The following SHOC1 variants were observed in gnomAD, a reference collection of about 807,000 sequenced individuals.
SHOC1 encodes protein shortage in chiasmata 1 ortholog.
SHOC1 carries 136 observed loss-of-function variants against 179.2 expected under a neutral mutation model. The observed-to-expected ratio is 0.76, with a 90% CI of 0.66 to 0.87. The LOEUF (loss-of-function observed/expected upper bound fraction) is 0.87, where lower values mean the gene tolerates loss of function less well. Among genes scored for constraint, SHOC1 ranks in the 40% least tolerant of loss-of-function variants. SHOC1 has a pLI of 0.00. For synonymous variants in SHOC1, 489 were observed against 586.6 expected (o/e 0.83, Z 2.41); for missense variants, 1,538 against 1,700.8 (o/e 0.90, Z 1.68).
intron 16 of SHOC1, 101 bp from the exon 17 acceptor site, chr9:111,714,724 T>C: frequency 9.8e-7 from 1 of 1,019,200 alleles, no homozygotes; most frequent in Non-Finnish European, 1.4e-6. Flanking sequence ...CAGAGACAGT[T>C]AAAATTTCCT....
chr9:111,747,250 T>C (rs1020982057), intron 9 of SHOC1, among the ~76,000 whole-genome samples: 2 of 152,114 alleles, frequency 1.3e-5, no homozygotes, highest in African/African-American at 4.8e-5. Context: ...AAGATCCAAT[T>C]ATAAATGTAA....
rs1462652959 is a variant in SHOC1 at position 111,703,841 on chromosome 9, T to G, written c.2967+40A>C. On this transcript the variant is annotated intron_variant, in intron 22 of 27. Coordinates refer to ENST00000682961, the MANE Select transcript of SHOC1 (RefSeq NM_001378211.1). ...ATAACAAATTACATAGCCATATATTTTAGTCTATTTTAGTTTATATATTTT... is the reference window on the plus strand; with the variant it reads ...ATAACAAATTACATAGCCATATATTGTAGTCTATTTTAGTTTATATATTTT... 4.3e-6 allele frequency: 4 copies of G among 928,530 alleles called. No homozygotes were observed. The African/African-American group carries it at 5.0e-5, about 12-fold the overall frequency. The allele number at this position is 928,530 out of a possible 1,614,324, so 57.5% of individuals were successfully genotyped here.
chr9:111,744,246 T>C (rs1407381229), intron 10 of SHOC1, among the ~76,000 whole-genome samples: 3 of 152,184 alleles, frequency 2.0e-5, no homozygotes, highest in Non-Finnish European at 4.4e-5. Flanking sequence ...ACAAAAACAG[T>C]ATATGTCCTG....
rs1833904595 is a variant in SHOC1 at position 111,738,482 on chromosome 9, T to A, written c.1215A>T (p.Thr405=). The A allele has an allele frequency of 6.3e-7, 1 of 1,598,720 alleles. No homozygotes were observed. The highest frequency in any genetic ancestry group is 1.4e-5 in the African/African-American group (1 of 73,760). The part of the protein sequence containing the change: ...IQEPHSQYSV[T]DLKKIFSVKE... ...TAACAGAAAATATCTTTTTCAAATC[T>A]GTAACTGAATATTGGCTGTGGGGCT... The change falls in exon 12 of 28, where the codon ACA becomes ACT. Residue 405 remains threonine, a synonymous_variant. Transcript: ENST00000682961.
Position 111,714,547 on chromosome 9 carries a change from C to T in SHOC1, c.2313G>A (p.Glu771=). 6.2e-7 allele frequency: 1 copy of T among 1,613,936 alleles called. No individual in the cohort carries two copies. Among genetic ancestry groups the T allele is most frequent in the Non-Finnish European group, 8.5e-7 (1 of 1,179,916 alleles). The part of the protein sequence containing the change: ...PYLGDIWRQL[E]IVQFIRGKKP... ...TTTTCCCCCTAATAAACTGTACAAT[C>T]TCCAGCTGTCTCCAAATGTCACCCA... Residue 771 remains glutamate (E), a synonymous_variant, in exon 17 of 28, where the codon GAG becomes GAA. Coordinates refer to ENST00000682961, the MANE Select transcript of SHOC1 (RefSeq NM_001378211.1).
At chr9:111,693,576 C>A (rs986662233) in intron 26 of SHOC1, among the ~76,000 whole-genome samples, 5 of 151,190 alleles carry the variant, frequency 3.3e-5, no homozygotes, top group African/African-American at 1.2e-4. Context: ...GCACTCCAGC[C>A]TGGAAAAATA....
At chr9:111,767,815 A>G (rs1312332938) in intron 5 of SHOC1, among the ~76,000 whole-genome samples, 1 of 152,150 alleles carries the variant, frequency 6.6e-6, no homozygotes, top group East Asian at 1.9e-4. Flanking sequence ...CTTTCAATCC[A>G]TGAGTATGAA....
Position 111,748,163 on chromosome 9 carries a change from T to A in SHOC1, c.899A>T (p.Asp300Val). The change falls in exon 9 of 28, where the codon GAT (aspartate) becomes GTT (valine). Residue 300 changes from aspartate to valine, a missense_variant. Transcript: ENST00000682961. ...AATCTCTGTGGAGCTGAATTTTATA[T>A]CCCCGATATCCTCAATTCCATGCTT... ...TNKHGIEDIGDIKFSSTEILT... is the reference protein window; with the variant it reads ...TNKHGIEDIGVIKFSSTEILT... The A allele has an allele frequency of 1.9e-6, 3 of 1,613,724 alleles. No homozygotes were observed. The highest frequency in any genetic ancestry group is 2.5e-6 in the Non-Finnish European group (3 of 1,179,766).
At chr9:111,778,148 C>T (rs1835899852) in intron 4 of SHOC1, among the ~76,000 whole-genome samples, 1 of 152,156 alleles carries the variant, frequency 6.6e-6, no homozygotes, top group Non-Finnish European at 1.5e-5. Context: ...CTCTCCTCAT[C>T]CACCTCCCTG....
At chr9:111,731,250 C>T (rs1322479393) in intron 12 of SHOC1, among the ~76,000 whole-genome samples, 1 of 152,114 alleles carries the variant, frequency 6.6e-6, no homozygotes, top group African/African-American at 2.4e-5. Context: ...TTTTAATTTC[C>T]TTCAGGAATT....
At chr9:111,699,814 T>C in intron 24 of SHOC1, 140 bp downstream of exon 24, 2 of 505,312 alleles carry the variant, frequency 4.0e-6, no homozygotes, top group Non-Finnish European at 7.0e-6. Context: ...TGTTTATTAA[T>C]TTGAAAACTA....
chr9:111,773,133 G>T (rs1400340361), intron 5 of SHOC1, among the ~76,000 whole-genome samples: 3 of 152,006 alleles, frequency 2.0e-5, no homozygotes, highest in African/African-American at 4.8e-5. Flanking sequence ...GTTGTTGCTA[G>T]TGAAAATTTT....
chr9:111,757,145 T>C (rs1210409336), intron 7 of SHOC1, among the ~76,000 whole-genome samples: 2 of 152,216 alleles, frequency 1.3e-5, no homozygotes, highest in African/African-American at 4.8e-5. Context: ...TCTCGCTCTG[T>C]CACCCAGGCT....
At chr9:111,773,320 A>G (rs1293966993) in intron 5 of SHOC1, among the ~76,000 whole-genome samples, 1 of 151,908 alleles carries the variant, frequency 6.6e-6, no homozygotes, top group African/African-American at 2.4e-5. Context: ...ATTTTTATTT[A>G]TTATTTTTTG....
intron 13 of SHOC1, among the ~76,000 whole-genome samples, chr9:111,726,898 G>T (rs1833319101): frequency 6.6e-6 from 1 of 152,012 alleles, no homozygotes; most frequent in Non-Finnish European, 1.5e-5. Flanking sequence ...CAAACAAATT[G>T]ATCATTAGAA....
At chr9:111,759,285 A>C in intron 5 of SHOC1, 1 of 1,612,452 alleles carries the variant, frequency 6.2e-7, no homozygotes, top group Non-Finnish European at 8.5e-7. Flanking sequence ...AGAGTCTCTG[A>C]CATGTAGGGA....
rs116583305 is a variant in SHOC1, at chr9:111,786,931, C to T, written c.46-896G>A. 7.8e-3 allele frequency among the ~76,000 whole-genome samples: 1,195 copies of T among 152,248 alleles called. 16 individuals are homozygous for T. Among genetic ancestry groups the T allele is most frequent in the African/African-American group, 0.025 (1,049 of 41,546 alleles). On this transcript the variant is annotated intron_variant, in intron 2 of 27. Transcript: ENST00000682961. ...GTGATTTTAAGTTGAAGCTAATGCT[C>T]ATTTACCATTCTGAAAATCCCAGGG...
At chr9:111,752,082 T>C (rs1589442453) in intron 8 of SHOC1, among the ~76,000 whole-genome samples, 1 of 152,216 alleles carries the variant, frequency 6.6e-6, no homozygotes. Context: ...TTCCCATTTT[T>C]ACAGCTTTTC....
chr9:111,721,267 G>A (rs1325710721), intron 15 of SHOC1, among the ~76,000 whole-genome samples: 3 of 152,162 alleles, frequency 2.0e-5, no homozygotes, highest in African/African-American at 7.2e-5. Flanking sequence ...CAGCATAGTA[G>A]TCCCTCTAGT....
Sources: allele counts gnomAD v4.1 joint callset (sites outside exome capture counted in the v4.1 genomes callset), GRCh38; gene constraint gnomAD v4.1.1; transcripts MANE v1.5; gene names NCBI Gene and HGNC (gene_info 2026-07-23, HGNC 2026-07-21).